The following PCDHA1 variants were observed in gnomAD, a reference collection of about 807,000 sequenced individuals.
The protein encoded by PCDHA1 is protocadherin alpha 1.
A neutral mutation model predicts 61.3 loss-of-function variants in PCDHA1; 42 were observed. The observed-to-expected ratio is 0.69, with a 90% CI of 0.54 to 0.89. The LOEUF (loss-of-function observed/expected upper bound fraction) is 0.89. Ranked by LOEUF, PCDHA1 falls within the 40% of genes least tolerant of loss-of-function variation. PCDHA1 has a pLI of 0.00. For synonymous variants in PCDHA1, 610 were observed against 553.8 expected (o/e 1.10, Z -1.43); for missense variants, 1,256 against 1,235.3 (o/e 1.02, Z -0.25).
At chr5:140,918,548 A>G (rs1360159345) in intron 1 of PCDHA1, among the ~76,000 whole-genome samples, 3 of 152,192 alleles carry the variant, frequency 2.0e-5, no homozygotes, top group Non-Finnish European at 4.4e-5. Context: ...TCCATGTGCA[A>G]TTGAGAAGAA....
chr5:140,909,070 C>T (rs2074299054), intron 1 of PCDHA1, among the ~76,000 whole-genome samples: 1 of 152,146 alleles, frequency 6.6e-6, no homozygotes, highest in Non-Finnish European at 1.5e-5. Flanking sequence ...CACCAATAAG[C>T]CCAGTGTGTT....
intron 1 of PCDHA1, chr5:140,807,871 A>T: frequency 6.2e-7 from 1 of 1,614,112 alleles, no homozygotes. Flanking sequence ...CCGTTCAGTT[A>T]CTCATCACAG....
intron 1 of PCDHA1, chr5:140,836,726 C>A (rs1326875671): frequency 1.9e-6 from 3 of 1,610,534 alleles, no homozygotes; most frequent in Non-Finnish European, 2.5e-6. Context: ...AGGGTCCATC[C>A]TCTACAGACA....
At chr5:140,936,212 A>C (rs1294255399) in intron 1 of PCDHA1, among the ~76,000 whole-genome samples, 1 of 152,126 alleles carries the variant, frequency 6.6e-6, no homozygotes, top group African/African-American at 2.4e-5. Context: ...TTTTTTATTT[A>C]GTATTCTTTC....
intron 3 of PCDHA1, among the ~76,000 whole-genome samples, chr5:140,986,934 C>T (rs1379562819): frequency 6.6e-6 from 1 of 152,160 alleles, no homozygotes; most frequent in East Asian, 1.9e-4. Flanking sequence ...AGGATGGAGG[C>T]TGGGTGTGGT....
At chr5:140,816,422 A>T (rs1267232018) in intron 1 of PCDHA1, 1 of 152,130 alleles carries the variant, frequency 6.6e-6, no homozygotes, top group African/African-American at 2.4e-5. Flanking sequence ...GAGCTCACTG[A>T]ACATCTTTAT....
chr5:140,850,362 C>T (rs199864758), intron 1 of PCDHA1: 1 of 1,597,838 alleles, frequency 6.3e-7, no homozygotes, highest in South Asian at 1.1e-5. Flanking sequence ...CATCCCGTTC[C>T]GCGTGGGGCT....
intron 3 of PCDHA1, among the ~76,000 whole-genome samples, chr5:140,987,537 T>C (rs1343074603): frequency 6.6e-6 from 1 of 152,176 alleles, no homozygotes; most frequent in African/African-American, 2.4e-5. Context: ...CCTGGGACCA[T>C]TACTTAACTT....
chr5:141,000,422 T>TATATA (rs1491457105), intron 3 of PCDHA1, among the ~76,000 whole-genome samples: 1 of 51,852 alleles, frequency 1.9e-5, no homozygotes, highest in Non-Finnish European at 3.5e-5. Flanking sequence ...TATATATATA[T>TATATA]TTTTTTTTTT....
chr5:141,009,948 T>C lies in PCDHA1; in HGVS notation c.*11T>C, dbSNP rs201131092. 1 of 1,595,948 alleles carries C rather than the reference T, an allele frequency of 6.3e-7. No individual in the cohort carries two copies. The highest frequency in any genetic ancestry group is 1.4e-5 in the African/African-American group (1 of 73,610). On this transcript the variant is annotated 3_prime_UTR_variant, in exon 4 of 4. Coordinates refer to ENST00000504120, the MANE Select transcript of PCDHA1 (RefSeq NM_018900.4). ...AACAGTGACCAGTGAGGTCCTCAAA[T>C]GGAAACAAGCCACTTAGCCAGTTTT...
chr5:140,823,155 C>A (rs142802947), intron 1 of PCDHA1: 11 of 1,613,730 alleles, frequency 6.8e-6, no homozygotes, highest in African/African-American at 6.7e-5. Context: ...CCCAGTATAC[C>A]GTGTTCGTGA....
chr5:140,834,406 A>G, intron 1 of PCDHA1: 1 of 1,610,156 alleles, frequency 6.2e-7, no homozygotes, highest in Non-Finnish European at 8.5e-7. Context: ...AATGGATACG[A>G]CCCAGGGGGC....
At chr5:140,802,890 C>T (rs934549073) in intron 1 of PCDHA1, 1 of 1,613,662 alleles carries the variant, frequency 6.2e-7, no homozygotes, top group African/African-American at 1.3e-5. Context: ...CGCGCCGGCA[C>T]TGCTGATGCC....
intron 1 of PCDHA1, chr5:140,803,604 T>C: frequency 6.2e-7 from 1 of 1,614,180 alleles, no homozygotes; most frequent in Non-Finnish European, 8.5e-7. Flanking sequence ...GAGTAATTTT[T>C]ATTTATTCTT....
At chr5:140,794,065 C>T (rs1424177200) in intron 1 of PCDHA1, among the ~76,000 whole-genome samples, 1 of 152,158 alleles carries the variant, frequency 6.6e-6, no homozygotes, top group East Asian at 1.9e-4. Context: ...ATATGCACAC[C>T]CATGTTCATG....
intron 1 of PCDHA1, among the ~76,000 whole-genome samples, chr5:140,945,463 A>G (rs1554216960): frequency 6.6e-6 from 1 of 152,166 alleles, no homozygotes; most frequent in African/African-American, 2.4e-5. Flanking sequence ...TAAAATTTGC[A>G]TGGAACCACA....
chr5:140,892,910 C>T (rs1206176408), intron 1 of PCDHA1, among the ~76,000 whole-genome samples: 1 of 152,164 alleles, frequency 6.6e-6, no homozygotes, highest in Non-Finnish European at 1.5e-5. Context: ...TCCTCCTTTT[C>T]CTTCACCCTT....
At chr5:140,884,173 C>T in intron 1 of PCDHA1, 1 of 1,613,432 alleles carries the variant, frequency 6.2e-7, no homozygotes, top group Non-Finnish European at 8.5e-7. Context: ...GCACGACGCG[C>T]CCTCTGGACG....
intron 1 of PCDHA1, chr5:140,884,290 A>G: frequency 6.2e-7 from 1 of 1,613,642 alleles, no homozygotes; most frequent in Non-Finnish European, 8.5e-7. Flanking sequence ...AGAGCGGCCA[A>G]GCGCCACAGG....
Sources: gnomAD v4.1 joint callset for allele counts (sites outside exome capture counted in the v4.1 genomes callset) on GRCh38, gnomAD v4.1.1 for gene constraint, MANE v1.5 for transcripts, NCBI Gene and HGNC (gene_info 2026-07-23, HGNC 2026-07-21) for gene names.